Variants in ASMTL observed in about 807,000 individuals in gnomAD.
ASMTL encodes acetylserotonin O-methyltransferase like, also known as probable bifunctional dTTP/UTP pyrophosphatase/methyltransferase protein.
In ASMTL, 57 loss-of-function variants were observed where a neutral mutation model predicts 60.3. The ratio of observed to expected loss-of-function variants is 0.95; its 90% CI spans 0.76 to 1.18. The LOEUF is 1.18. Among genes scored for constraint, ASMTL ranks in the 50% most tolerant of loss-of-function variants. The probability of loss-of-function intolerance (pLI) is 0.00; values close to 1 mark genes in which losing one functional copy is unlikely to be tolerated. For missense variants in ASMTL, 981 were observed against 852.6 expected (o/e 1.15, Z -1.88); for synonymous variants, 419 against 373.0 (o/e 1.12, Z -1.42).
intron 1 of ASMTL, among the ~76,000 whole-genome samples, chrX:1,449,595 ACCATCACCAGTAACTTCTCTG>A (rs1165451590): frequency 6.6e-6 from 1 of 151,566 alleles, no homozygotes; most frequent in Admixed American, 6.6e-5. Context: ...TAACTACCCT[ACCATCACCAGTAACTTCTCTG>A]CCATCACCAG....
chrX:1,417,617 ACACACACAGACATGCACACATATACC>A (rs2090339155), intron 11 of ASMTL, among the ~76,000 whole-genome samples: 1 of 151,446 alleles, frequency 6.6e-6, no homozygotes, highest in African/African-American at 2.4e-5. Flanking sequence ...ATGCAGACAC[ACACACACAGACATGCACACATATACC>A]CACACAGACA....
intron 7 of ASMTL, 117 bp downstream of exon 7, chrX:1,427,617 G>A: frequency 2.6e-6 from 3 of 1,143,668 alleles, no homozygotes; most frequent in African/African-American, 1.5e-5. Context: ...ATGGCCCTGA[G>A]ACAACCTGAC....
In ASMTL at chrX:1,421,839, T is replaced by C. The variant is rs763316682; in HGVS notation, c.1064A>G (p.Tyr355Cys). The C allele has an allele frequency of 1.2e-6, 2 of 1,613,740 alleles. No homozygotes were observed. Among genetic ancestry groups the C allele is most frequent in the Non-Finnish European group, 1.7e-6 (2 of 1,179,758 alleles). The change falls in exon 9 of 13, where the codon TAC (tyrosine) becomes TGC (cysteine). Residue 355 changes from tyrosine to cysteine, a missense_variant. Tyr to Cys is a radical substitution (Grantham distance 194). Coordinates refer to ENST00000381317, the MANE Select transcript of ASMTL (RefSeq NM_004192.4). The part of the protein sequence containing the change: ...MGLLEKTEQG[Y>C]SNTETANVYL... The stretch of plus-strand genomic sequence containing the variant: ...GACGTTCGCTGTCTCTGTGTTACTG[T>C]AACCTGGAGAAATGGGGACAGTCGT...
intron 1 of ASMTL, among the ~76,000 whole-genome samples, chrX:1,452,044 C>G (rs1456917770): frequency 1.6e-4 from 24 of 146,240 alleles, no homozygotes; most frequent in Non-Finnish European, 3.5e-4. Context: ...TAAGGTGTCC[C>G]GGGTTTCTCT....
chrX:1,427,093 A>G (rs1166493457), intron 7 of ASMTL, among the ~76,000 whole-genome samples: 5 of 152,226 alleles, frequency 3.3e-5, no homozygotes, highest in Non-Finnish European at 7.3e-5. Context: ...GGGAGACCTC[A>G]AAATCCAATG....
At chrX:1,448,394 A>G (rs745813372) in intron 1 of ASMTL, among the ~76,000 whole-genome samples, 108 of 151,128 alleles carry the variant, frequency 7.1e-4, no homozygotes, top group Middle Eastern at 3.4e-3. Flanking sequence ...CATCTTGGAC[A>G]CACCGCCATC....
chrX:1,423,441 C>T lies in ASMTL; in HGVS notation c.1061-1599G>A, dbSNP rs1208568307. 5.3e-5 allele frequency among the ~76,000 whole-genome samples: 8 copies of T among 152,224 alleles called. No homozygotes were observed. In the East Asian group the frequency reaches 1.5e-3, roughly 29 times the overall value. ...CTCTGCCCAGGTGTCATCTGTTGTC[C>T]TGCCCTTCCCAGGCTACTCAAGGAC... On this transcript the variant is annotated intron_variant, in intron 8 of 12. Coordinates refer to ENST00000381317, the MANE Select transcript of ASMTL (RefSeq NM_004192.4).
At chrX:1,410,438 G>A (rs763311198) in intron 12 of ASMTL, among the ~76,000 whole-genome samples, 24 of 151,288 alleles carry the variant, frequency 1.6e-4, no homozygotes, top group East Asian at 7.8e-4. Context: ...TTTCTGAGAC[G>A]GAGTCTTGCT....
rs376221410 is a variant in ASMTL at position 1,432,304 on chromosome X, C to G, written c.474G>C (p.Glu158Asp). The change falls in exon 6 of 13, where the codon GAG (glutamate) becomes GAC (aspartate). Residue 158 changes from glutamate to aspartate, a missense_variant. Coordinates refer to ENST00000381317, the MANE Select transcript of ASMTL (RefSeq NM_004192.4). ...CGCTGTGGACGTATTCCCAGAGCAG[C>G]TCCTCGGACAGCTCCGAGAACTTCA... ...TKVKFSELSE[E>D]LLWEYVHSGE... is the part of the protein sequence containing the mutation. The G allele has an allele frequency of 1.4e-5, 22 of 1,612,888 alleles. No homozygotes were observed. The African/African-American group carries it at 1.6e-4, about 12-fold the overall frequency.
intron 1 of ASMTL, among the ~76,000 whole-genome samples, chrX:1,449,709 C>A (rs1420155700): frequency 6.3e-5 from 9 of 142,858 alleles, no homozygotes; most frequent in African/African-American, 2.2e-4. Context: ...CCCCCCATCA[C>A]CAGTAACTAT....
intron 12 of ASMTL, among the ~76,000 whole-genome samples, chrX:1,405,380 ATAGG>A (rs1332436769): frequency 5.5e-5 from 8 of 145,592 alleles, no homozygotes; most frequent in Admixed American, 2.1e-4. Flanking sequence ...GGATGGGTGA[ATAGG>A]TAGGTAGGTA....
chrX:1,413,311 G>C (rs1177590211), intron 11 of ASMTL, among the ~76,000 whole-genome samples: 2 of 152,120 alleles, frequency 1.3e-5, no homozygotes, highest in Non-Finnish European at 1.5e-5. Flanking sequence ...GCAGTGAGCC[G>C]AGATCGCGCC....
chrX:1,404,117 A>G (rs2089701447), intron 12 of ASMTL, among the ~76,000 whole-genome samples: 1 of 151,876 alleles, frequency 6.6e-6, no homozygotes, highest in Admixed American at 6.6e-5. Context: ...AGATGGGTGC[A>G]TGGATGAGAT....
At chrX:1,443,824 C>T (rs58463708) in intron 1 of ASMTL, among the ~76,000 whole-genome samples, 6,073 of 149,970 alleles carry the variant, frequency 0.04, 453 homozygotes, top group African/African-American at 0.14. Context: ...CGTGGACACA[C>T]ACCGCCATTT....
intron 11 of ASMTL, among the ~76,000 whole-genome samples, chrX:1,414,588 A>T (rs2090164182): frequency 6.6e-6 from 1 of 151,830 alleles, no homozygotes; most frequent in Non-Finnish European, 1.5e-5. Flanking sequence ...GGCACTTGTC[A>T]CCCCAGCTAC....
intron 1 of ASMTL, among the ~76,000 whole-genome samples, chrX:1,444,000 C>T (rs1401364579): frequency 2.6e-4 from 40 of 152,334 alleles, no homozygotes; most frequent in African/African-American, 9.1e-4. Flanking sequence ...TTAAAAACTG[C>T]CTAAATCCAG....
Position 1,434,810 on chromosome X carries a change from AG to A in ASMTL, c.400+211del, listed in dbSNP as rs2090917908. The stretch of plus-strand genomic sequence containing the variant: ...ACTCCATCTCAAAAAAAAAAAAAAA[AG>A]AAAGAAAAAGAAAAAGATAAAACCA... On this transcript the variant is annotated intron_variant, in intron 5 of 12. Coordinates refer to ENST00000381317, the MANE Select transcript of ASMTL (RefSeq NM_004192.4). 4.1e-5 allele frequency among the ~76,000 whole-genome samples: 6 copies of A among 147,786 alleles called. No individual in the cohort carries two copies. The South Asian group carries it at 1.3e-3, about 32-fold the overall frequency.
chrX:1,423,532 T>TCATCCATCCATC (rs1185577583), intron 8 of ASMTL, among the ~76,000 whole-genome samples: 1 of 151,970 alleles, frequency 6.6e-6, no homozygotes, highest in Non-Finnish European at 1.5e-5. Context: ...AAACACATTG[T>TCATCCATCCATC]CATCCATCCA....
chrX:1,432,562 G>C (rs1483595723), intron 5 of ASMTL, among the ~76,000 whole-genome samples, 185 bp from the exon 6 acceptor site: 1 of 152,230 alleles, frequency 6.6e-6, no homozygotes. Flanking sequence ...GGGCGCGGTG[G>C]CTCACGCCTG....
Sources: allele counts gnomAD v4.1 joint callset (sites outside exome capture counted in the v4.1 genomes callset), GRCh38; gene constraint gnomAD v4.1.1; transcripts MANE v1.5; gene names NCBI Gene and HGNC (gene_info 2026-07-23, HGNC 2026-07-21).